Variants in GRTP1 observed in about 807,000 individuals in gnomAD.
GRTP1 encodes growth hormone-regulated TBC protein 1.
In GRTP1, 56 loss-of-function variants were observed where a neutral mutation model predicts 38.1. The ratio of observed to expected loss-of-function variants is 1.47; its 90% confidence interval spans 1.19 to 1.84. The LOEUF is 1.84. Among genes scored for constraint, GRTP1 ranks in the 40% most tolerant of loss-of-function variants. The probability of loss-of-function intolerance (pLI) is 0.00; values close to 1 mark genes in which losing one functional copy is unlikely to be tolerated. For missense variants in GRTP1, 506 were observed against 453.9 expected, an observed-to-expected ratio of 1.11 and a Z score of -1.04; for synonymous variants, 217 against 189.5, an observed-to-expected ratio of 1.14 and a Z score of -1.19.
chr13:113,346,226 GAACAGACC>G (rs2043124419), intron 4 of GRTP1, among the ~76,000 whole-genome samples: 4 of 102,214 alleles, frequency 3.9e-5, no homozygotes, highest in African/African-American at 1.1e-4. Flanking sequence ...CTGTGGCTGA[GAACAGACC>G]CGGGAGGACC....
intron 5 of GRTP1, among the ~76,000 whole-genome samples, chr13:113,344,456 G>A (rs556603359): frequency 2.8e-4 from 43 of 152,340 alleles, no homozygotes; most frequent in Non-Finnish European, 4.9e-4. Flanking sequence ...GCTCATGCCT[G>A]TAATCCCAGC....
At position 113,350,904 on chromosome 13, in the gene GRTP1, AGGGTCCTCTGTAAGCAG is replaced by A. The variant is rs1566436126; in HGVS notation, c.393_409del (p.Cys132ValfsTer11). On this transcript the variant is annotated frameshift_variant, in exon 4 of 8. Transcript: ENST00000375431. LOFTEE classifies it high-confidence loss of function. ...CCCATATGCCAGCAGCACATTGTAC[AGGGTCCTCTGTAAGCAG>A]GGGTCCGTGGTCTTCCGGAACTTCA... The A allele has an allele frequency of 1.2e-5, 20 of 1,611,396 alleles. No homozygotes were observed. The South Asian group carries it at 1.9e-4, about 15-fold the overall frequency.
chr13:113,330,646 G>T (rs2042851897), intron 5 of GRTP1, among the ~76,000 whole-genome samples: 1 of 132,742 alleles, frequency 7.5e-6, no homozygotes, highest in Non-Finnish European at 1.6e-5. Flanking sequence ...GTGTGTGCAT[G>T]GGAGCCCAGG....
intron 3 of GRTP1, among the ~76,000 whole-genome samples, chr13:113,353,252 C>G (rs1432383599): frequency 6.6e-6 from 1 of 152,118 alleles, no homozygotes; most frequent in Non-Finnish European, 1.5e-5. Flanking sequence ...CCAGCAGAAT[C>G]CACACTCTGG....
At chr13:113,350,724 G>T in intron 4 of GRTP1, 125 bp downstream of exon 4, 1 of 900,590 alleles carries the variant, frequency 1.1e-6, no homozygotes, top group Non-Finnish European at 1.6e-6. Context: ...CCTCAATGGG[G>T]CATCAGGACG....
chr13:113,326,476 C>T (rs1566411644), intron 5 of GRTP1, among the ~76,000 whole-genome samples: 1 of 149,474 alleles, frequency 6.7e-6, no homozygotes, highest in Admixed American at 6.7e-5. Context: ...TCAAGACCAG[C>T]CTGGCTGACA....
chr13:113,324,839 T>C, intron 7 of GRTP1: 1 of 1,184,184 alleles, frequency 8.4e-7, no homozygotes, highest in East Asian at 5.1e-5. Context: ...CTTTTTTTTT[T>C]TTTTTGAGAC....
At chr13:113,352,309 ATAT>A (rs1566437771) in intron 3 of GRTP1, among the ~76,000 whole-genome samples, 19 of 51,338 alleles carry the variant, frequency 3.7e-4, no homozygotes, top group Non-Finnish European at 1.2e-4. Context: ...TATTTTATAT[ATAT>A]TTTATATATA....
At chr13:113,334,948 G>A (rs1264780785) in intron 5 of GRTP1, among the ~76,000 whole-genome samples, 3 of 151,836 alleles carry the variant, frequency 2.0e-5, no homozygotes, top group East Asian at 2.0e-4. Context: ...TCAGCCTCCC[G>A]AGTAGCTGGG....
rs140571101 is a variant in GRTP1 at position 113,356,957 on chromosome 13, C to T, written c.182-1476G>A. ...TACGTGACGAATTATACAAGGACAA[C>T]GAGGGAAGACCCAGAGGAGAGAGAA... On this transcript the variant is annotated intron_variant, in intron 2 of 7. Coordinates refer to ENST00000375431, the MANE Select transcript of GRTP1 (RefSeq NM_024719.4). 4.6e-5 allele frequency among the ~76,000 whole-genome samples: 7 copies of T among 152,210 alleles called. No homozygotes were observed. The East Asian group carries it at 5.8e-4, about 13-fold the overall frequency.
intron 2 of GRTP1, 94 bp downstream of exon 2, chr13:113,363,668 C>T (rs1016939399): frequency 1.3e-5 from 17 of 1,308,442 alleles, no homozygotes; most frequent in Non-Finnish European, 1.8e-5. Flanking sequence ...AGGTTCCTCC[C>T]CCTCCCTCCG....
chr13:113,324,516 C>T lies in GRTP1; in HGVS notation c.983G>A (p.Cys328Tyr). Reference protein sequence around the residue: ...MATVAKLRESCRARLLAQG With the variant: ...MATVAKLRESYRARLLAQG ...CCCCTGTGCCAGCAGCCGGGCCCTGCAGCTCTCGCGGAGCTTGGCGACGGT... is the reference window on the plus strand; with the variant it reads ...CCCCTGTGCCAGCAGCCGGGCCCTGTAGCTCTCGCGGAGCTTGGCGACGGT... Residue 328 changes from cysteine to tyrosine, a missense_variant, in exon 8 of 8, where the codon TGC (cysteine) becomes TAC (tyrosine). Transcript: ENST00000375431. The T allele has an allele frequency of 1.2e-6, 2 of 1,611,512 alleles. No homozygotes were observed. The highest frequency in any genetic ancestry group is 2.2e-5 in the South Asian group (2 of 90,328).
Position 113,340,284 on chromosome 13 carries a change from T to C in GRTP1, c.562+4579A>G, listed in dbSNP as rs537469798. On this transcript the variant is annotated intron_variant, in intron 5 of 7. Transcript: ENST00000375431. ...TGAGGCCAGGTGTTCAAGGCCAGCCTGGGCAACATAGCAAGAACCTGTCTC... is the reference window on the plus strand; with the variant it reads ...TGAGGCCAGGTGTTCAAGGCCAGCCCGGGCAACATAGCAAGAACCTGTCTC... Among the ~76,000 whole-genome samples, 19 of 151,856 alleles carry C rather than the reference T, an allele frequency of 1.3e-4. 1 individual carries two copies. The East Asian group carries it at 3.7e-3, about 29-fold the overall frequency.
chr13:113,362,743 G>A (rs2043521538), intron 2 of GRTP1, among the ~76,000 whole-genome samples: 1 of 152,118 alleles, frequency 6.6e-6, no homozygotes, highest in Admixed American at 6.5e-5. Context: ...CCCAGGTGCA[G>A]GGCCCCTGGT....
chr13:113,345,525 G>A (rs1048768290), intron 4 of GRTP1, among the ~76,000 whole-genome samples: 4 of 152,208 alleles, frequency 2.6e-5, no homozygotes, highest in Non-Finnish European at 4.4e-5. Flanking sequence ...GTGAGTCAGC[G>A]CCATTTCCAG....
chr13:113,352,207 A>C (rs2043279974), intron 3 of GRTP1, among the ~76,000 whole-genome samples: 1 of 138,982 alleles, frequency 7.2e-6, no homozygotes, highest in African/African-American at 2.7e-5. Context: ...ATTTATATGT[A>C]ATATTTTTAT....
intron 5 of GRTP1, among the ~76,000 whole-genome samples, chr13:113,333,842 T>TGC (rs1566418676): frequency 1.5e-5 from 1 of 67,406 alleles, no homozygotes; most frequent in Non-Finnish European, 3.0e-5. Flanking sequence ...TTATTTAGTG[T>TGC]GTGTGTGTGT....
chr13:113,346,130 G>GGCT lies in GRTP1; in HGVS notation c.466-1172_466-1171insAGC, dbSNP rs1566429225. Among the ~76,000 whole-genome samples, 252 of 134,138 alleles carry GGCT rather than the reference G, an allele frequency of 1.9e-3. 31 individuals are homozygous for GGCT. The highest frequency in any genetic ancestry group is 7.4e-3 in the Middle Eastern group (2 of 272). 88.0% of individuals were successfully genotyped at this position (134,138 alleles called of 152,430 possible). A position where few individuals can be genotyped will look rare whatever the true frequency, so the allele number is the denominator to read the frequency against. ...AGAACAGACCCGGGAGGACCTCTGT[G>GGCT]GACAAGAGCAGACCCGGGAGGACCT... is the stretch of plus-strand genomic sequence containing the variant. On this transcript the variant is annotated intron_variant, in intron 4 of 7. Transcript: ENST00000375431.
rs2043056361 is a variant in GRTP1 at position 113,343,597 on chromosome 13, G to A, written c.562+1266C>T. ...CCAGGCTCTGCCATGTACAGCGGTG[G>A]TCAGGCCAGCACGCAAATTCTCCCG... On this transcript the variant is annotated intron_variant, in intron 5 of 7. Transcript: ENST00000375431. The surrounding 1 kb of genome is among the most constrained non-coding windows in gnomAD (Gnocchi z 4.8). Among the ~76,000 whole-genome samples, 1 of 152,246 alleles carries A rather than the reference G, an allele frequency of 6.6e-6. No homozygotes were observed. The highest frequency in any genetic ancestry group is 2.1e-4 in the South Asian group (1 of 4,834).
Sources: gnomAD v4.1 joint callset for allele counts (sites outside exome capture counted in the v4.1 genomes callset) on GRCh38, gnomAD v4.1.1 for gene constraint, Gnocchi (gnomAD v3.1) non-coding constraint, MANE v1.5 for transcripts, NCBI Gene and HGNC (gene_info 2026-07-23, HGNC 2026-07-21) for gene names.